The following CALN1 variants were observed in gnomAD, a reference collection of about 807,000 sequenced individuals.
CALN1 encodes the protein calneuron 1, also known as calcium-binding protein 8.
A neutral mutation model predicts 30.6 loss-of-function variants in CALN1; 17 were observed. That is an observed-to-expected ratio of 0.56 (90% CI 0.38 to 0.83). The LOEUF is 0.83. Ranked by LOEUF, CALN1 falls within the 40% of genes least tolerant of loss-of-function variation. CALN1 has a pLI of 0.00. For synonymous variants in CALN1, 156 were observed against 131.4 expected, an observed-to-expected ratio of 1.19 and a Z score of -1.28; for missense variants, 291 against 354.9, an observed-to-expected ratio of 0.82 and a Z score of 1.45.
chr7:72,159,207 AC>A (rs1422191336), intron 3 of CALN1, among the ~76,000 whole-genome samples: 1 of 152,196 alleles, frequency 6.6e-6, no homozygotes, highest in Non-Finnish European at 1.5e-5. Context: ...TGATGAAGGC[AC>A]TTTTGGTTGG....
At chr7:72,336,196 C>T (rs892259279) in intron 2 of CALN1, among the ~76,000 whole-genome samples, 2 of 152,126 alleles carry the variant, frequency 1.3e-5, no homozygotes, top group Non-Finnish European at 2.9e-5. Flanking sequence ...TGGAGAGAAC[C>T]CTGCCTCCCG....
intron 3 of CALN1, among the ~76,000 whole-genome samples, chr7:72,269,428 AAT>A (rs758109194): frequency 1.2e-4 from 18 of 151,922 alleles, no homozygotes; most frequent in Non-Finnish European, 1.6e-4. Flanking sequence ...CTCATTGTTC[AAT>A]TCCCACCTAT....
At chr7:72,022,837 A>G (rs1422010258) in intron 5 of CALN1, among the ~76,000 whole-genome samples, 2 of 152,038 alleles carry the variant, frequency 1.3e-5, no homozygotes, top group Non-Finnish European at 2.9e-5. Context: ...ATAAGACTAG[A>G]AAGACACACC....
At chr7:72,219,586 G>A (rs1025139581) in intron 3 of CALN1, among the ~76,000 whole-genome samples, 1 of 152,012 alleles carries the variant, frequency 6.6e-6, no homozygotes, top group Non-Finnish European at 1.5e-5. Flanking sequence ...GGTGCAACAT[G>A]TAGTACTCCT....
chr7:72,394,076 CTT>C (rs1805758135), intron 2 of CALN1, among the ~76,000 whole-genome samples: 1 of 152,180 alleles, frequency 6.6e-6, no homozygotes, highest in Non-Finnish European at 1.5e-5. Context: ...ATCAGAATTT[CTT>C]AGCTAAGATC....
intron 2 of CALN1, among the ~76,000 whole-genome samples, chr7:72,292,071 G>A (rs1418837799): frequency 6.6e-6 from 1 of 151,362 alleles, no homozygotes; most frequent in African/African-American, 2.4e-5. Context: ...TGAATAGTAA[G>A]TTGCTACTAG....
At chr7:72,143,684 A>G (rs1303448656) in intron 3 of CALN1, among the ~76,000 whole-genome samples, 3 of 152,192 alleles carry the variant, frequency 2.0e-5, no homozygotes, top group Non-Finnish European at 4.4e-5. Context: ...CAGATTCACC[A>G]AAGTTGAAAT....
At chr7:72,211,269 TAG>T (rs770438911) in intron 3 of CALN1, among the ~76,000 whole-genome samples, 59 of 152,108 alleles carry the variant, frequency 3.9e-4, no homozygotes, top group Non-Finnish European at 7.6e-4. Context: ...CTGGGCCAGG[TAG>T]AGTTCCTCAA....
intron 5 of CALN1, among the ~76,000 whole-genome samples, chr7:71,878,499 T>C (rs1562865617): frequency 6.6e-6 from 1 of 152,066 alleles, no homozygotes; most frequent in Non-Finnish European, 1.5e-5. Context: ...CAGGGCTGTC[T>C]GAAGGACCAC....
chr7:72,076,611 C>CAAAAAAAAAAAAA (rs572245834), intron 4 of CALN1, among the ~76,000 whole-genome samples: 194 of 6,126 alleles, frequency 0.032, 95 homozygotes, highest in Non-Finnish European at 0.053. Context: ...AAAAAAAAAG[C>CAAAAAAAAAAAAA]AAAAAAAAAA....
intron 3 of CALN1, among the ~76,000 whole-genome samples, chr7:72,268,464 T>C (rs1407279090): frequency 6.6e-6 from 1 of 152,188 alleles, no homozygotes; most frequent in Non-Finnish European, 1.5e-5. Context: ...AAAAGTGCTA[T>C]AATGGTTGAC....
At chr7:71,976,076 G>C (rs528384181) in intron 5 of CALN1, among the ~76,000 whole-genome samples, 195 of 151,964 alleles carry the variant, frequency 1.3e-3, no homozygotes, top group African/African-American at 4.5e-3. Flanking sequence ...ACACCAGACT[G>C]AGAGGATTCT....
At chr7:72,212,075 G>A (rs117589261) in intron 3 of CALN1, among the ~76,000 whole-genome samples, 2,882 of 152,136 alleles carry the variant, frequency 0.019, 31 homozygotes, top group South Asian at 0.034. Flanking sequence ...GAGAGGGGCC[G>A]GGCACGGTGA....
chr7:72,282,422 C>CT (rs1458949307), intron 2 of CALN1, among the ~76,000 whole-genome samples: 1 of 152,192 alleles, frequency 6.6e-6, no homozygotes, highest in Non-Finnish European at 1.5e-5. Context: ...ACACTGGAAT[C>CT]TAAGACTCTA....
chr7:72,400,706 C>T (rs1056338917), intron 2 of CALN1, among the ~76,000 whole-genome samples: 6 of 152,248 alleles, frequency 3.9e-5, no homozygotes, highest in South Asian at 2.1e-4. Flanking sequence ...CCCGTCTCCA[C>T]GAAAAATATA....
chr7:72,163,154 G>A (rs375904889), intron 3 of CALN1, among the ~76,000 whole-genome samples: 6 of 152,236 alleles, frequency 3.9e-5, no homozygotes, highest in East Asian at 3.9e-4. Flanking sequence ...GAAACTAGAA[G>A]GGCTAGTCCC....
chr7:72,487,925 G>A, the CALN1 span, among the ~76,000 whole-genome samples: 69 of 69,798 alleles, frequency 9.9e-4, 1 homozygote, highest in African/African-American at 3.4e-3. Context: ...AAAGAAGGAA[G>A]GAAGGAAGGA....
At chr7:72,295,414 C>G (rs986449953) in intron 2 of CALN1, among the ~76,000 whole-genome samples, 1 of 151,892 alleles carries the variant, frequency 6.6e-6, no homozygotes, top group Non-Finnish European at 1.5e-5. Context: ...GCATTGGTAG[C>G]TTGATGGGGA....
chr7:72,086,578 C>T (rs1054730441), intron 4 of CALN1, among the ~76,000 whole-genome samples: 1 of 151,996 alleles, frequency 6.6e-6, no homozygotes. Context: ...GGACTACCGG[C>T]CCGTGCCACC....
Sources: allele counts gnomAD v4.1 joint callset (sites outside exome capture counted in the v4.1 genomes callset), GRCh38; gene constraint gnomAD v4.1.1; transcripts MANE v1.5; gene names NCBI Gene and HGNC (gene_info 2026-07-23, HGNC 2026-07-21).